Variants in RIMS2 observed in about 807,000 individuals in gnomAD.
RIMS2 encodes regulating synaptic membrane exocytosis 2.
A neutral mutation model predicts 174.4 loss-of-function variants in RIMS2; 59 were observed. That is an observed-to-expected ratio of 0.34 (90% confidence interval 0.27 to 0.42). The LOEUF is 0.42. Among genes scored for constraint, RIMS2 ranks in the 10% least tolerant of loss-of-function variants. The probability of loss-of-function intolerance (pLI) is 1.00; values close to 1 mark genes in which losing one functional copy is unlikely to be tolerated. For missense variants in RIMS2, 1,620 were observed against 1,666.3 expected (o/e 0.97, Z 0.48); for synonymous variants, 606 against 572.5 (o/e 1.06, Z -0.84).
chr8:103,556,916 G>T (rs1188123517), intron 1 of RIMS2, among the ~76,000 whole-genome samples: 1 of 152,026 alleles, frequency 6.6e-6, no homozygotes, highest in African/African-American at 2.4e-5. Flanking sequence ...AGCTTCTATG[G>T]ATCATGGCGG....
chr8:104,018,425 A>C (rs1195475287), intron 19 of RIMS2, among the ~76,000 whole-genome samples: 1 of 152,208 alleles, frequency 6.6e-6, no homozygotes, highest in African/African-American at 2.4e-5. Flanking sequence ...AAATTACCTC[A>C]TTTTATTAAT....
chr8:103,509,955 T>A (rs1161564099), intron 1 of RIMS2, among the ~76,000 whole-genome samples: 1 of 152,184 alleles, frequency 6.6e-6, no homozygotes, highest in Non-Finnish European at 1.5e-5. Flanking sequence ...AACTTTTGTA[T>A]AGTTACATGG....
intron 3 of RIMS2, among the ~76,000 whole-genome samples, chr8:103,778,455 G>GA: frequency 6.6e-6 from 1 of 151,962 alleles, no homozygotes. Context: ...CTACTTTCTA[G>GA]AGATCTTCAT....
intron 19 of RIMS2, among the ~76,000 whole-genome samples, chr8:104,108,211 C>T (rs189067336): frequency 1.3e-5 from 2 of 152,114 alleles, no homozygotes; most frequent in Admixed American, 1.3e-4. Context: ...TGTTTAAATT[C>T]TAATGGTATC....
At chr8:103,590,384 C>T (rs965695310) in intron 1 of RIMS2, among the ~76,000 whole-genome samples, 1 of 151,208 alleles carries the variant, frequency 6.6e-6, no homozygotes, top group East Asian at 1.9e-4. Flanking sequence ...CCACGAAGCC[C>T]CAGGTGTCTG....
intron 19 of RIMS2, among the ~76,000 whole-genome samples, chr8:104,098,299 G>A (rs1229767118): frequency 6.6e-6 from 1 of 152,054 alleles, no homozygotes; most frequent in Non-Finnish European, 1.5e-5. Context: ...CTAAGCCTGA[G>A]AGTGATGCAG....
intron 16 of RIMS2, among the ~76,000 whole-genome samples, chr8:103,984,559 G>A (rs1227560375): frequency 6.6e-6 from 1 of 152,144 alleles, no homozygotes; most frequent in African/African-American, 2.4e-5. Context: ...ACAAATGCTG[G>A]TAAATATGTG....
intron 19 of RIMS2, among the ~76,000 whole-genome samples, chr8:104,089,543 G>C (rs1051614167): frequency 1.3e-5 from 2 of 151,466 alleles, no homozygotes; most frequent in Non-Finnish European, 3.0e-5. Context: ...AATATTTTTC[G>C]TATTCTTTCT....
chr8:103,552,582 AG>A (rs755128561), intron 1 of RIMS2, among the ~76,000 whole-genome samples: 4 of 152,246 alleles, frequency 2.6e-5, no homozygotes, highest in African/African-American at 4.8e-5. Context: ...TGGCAACAAA[AG>A]CCAAAATAGA....
At chr8:103,962,225 T>C (rs892983940) in intron 15 of RIMS2, among the ~76,000 whole-genome samples, 14 of 152,136 alleles carry the variant, frequency 9.2e-5, no homozygotes, top group Admixed American at 4.6e-4. Context: ...GTTTTCAAGA[T>C]GACAGAAATA....
At chr8:103,708,205 A>G (rs891333246) in intron 2 of RIMS2, among the ~76,000 whole-genome samples, 1 of 152,178 alleles carries the variant, frequency 6.6e-6, no homozygotes, top group African/African-American at 2.4e-5. Flanking sequence ...TTCACGGCTC[A>G]AGGCCACTTT....
At position 103,889,481 on chromosome 8, in the gene RIMS2, A is replaced by G. The variant is rs540177949; in HGVS notation, c.1624+3258A>G. On this transcript the variant is annotated intron_variant, in intron 4 of 23. Transcript: ENST00000504942. ...ATCTAATTTTAAAATGTTAACCAAC[A>G]CTTTATAAATAGCACCAGGGAACAT... is the stretch of plus-strand genomic sequence containing the variant. Among the ~76,000 whole-genome samples the G allele has an allele frequency of 2.0e-5, 3 of 151,920 alleles. No individual in the cohort carries two copies. In the East Asian group the frequency reaches 5.8e-4, roughly 29 times the overall value.
At chr8:104,042,947 A>G (rs753679955) in intron 19 of RIMS2, among the ~76,000 whole-genome samples, 1 of 151,628 alleles carries the variant, frequency 6.6e-6, no homozygotes, top group Non-Finnish European at 1.5e-5. Context: ...ACATTTAAGG[A>G]ATGGATGAAA....
intron 19 of RIMS2, among the ~76,000 whole-genome samples, chr8:104,207,484 A>G (rs899936772): frequency 3.3e-5 from 5 of 152,110 alleles, no homozygotes; most frequent in African/African-American, 1.2e-4. Flanking sequence ...CTAGGATGAA[A>G]TATACTTGTG....
chr8:103,910,871 TTTGA>T (rs1222910059), intron 5 of RIMS2, among the ~76,000 whole-genome samples: 2 of 152,316 alleles, frequency 1.3e-5, no homozygotes, highest in African/African-American at 4.8e-5. Context: ...GATTGGCTTA[TTTGA>T]TTGTTTGCAT....
chr8:103,963,258 C>T (rs553049567), intron 15 of RIMS2, among the ~76,000 whole-genome samples: 19 of 151,996 alleles, frequency 1.3e-4, no homozygotes, highest in African/African-American at 3.4e-4. Flanking sequence ...ATACAAAATG[C>T]GCACCCCTAC....
At chr8:103,665,876 A>C (rs2096661931) in intron 1 of RIMS2, among the ~76,000 whole-genome samples, 2 of 152,180 alleles carry the variant, frequency 1.3e-5, no homozygotes, top group Admixed American at 1.3e-4. Context: ...AAACTAAAAA[A>C]TGTTTTTCTT....
intron 19 of RIMS2, among the ~76,000 whole-genome samples, chr8:104,122,712 A>T (rs1308725372): frequency 1.3e-5 from 2 of 152,214 alleles, no homozygotes; most frequent in Non-Finnish European, 2.9e-5. Context: ...AAATGAGAAC[A>T]ATCTATGTTA....
At chr8:103,858,701 A>G (rs1275906085) in intron 3 of RIMS2, among the ~76,000 whole-genome samples, 3 of 104,700 alleles carry the variant, frequency 2.9e-5, no homozygotes, top group African/African-American at 1.2e-4. Context: ...ATATACGTGT[A>G]TATATATATA....
Sources: allele counts gnomAD v4.1 joint callset (sites outside exome capture counted in the v4.1 genomes callset), GRCh38; gene constraint gnomAD v4.1.1; transcripts MANE v1.5; gene names NCBI Gene and HGNC (gene_info 2026-07-23, HGNC 2026-07-21).